FAM227B: variants seen among roughly 807,000 people sequenced by gnomAD.
The protein encoded by FAM227B is protein FAM227B.
FAM227B carries 88 observed loss-of-function variants against 73.8 expected under a neutral mutation model. That is an observed-to-expected ratio of 1.19 (90% CI 1.00 to 1.42). FAM227B has a LOEUF of 1.42. Ranked by LOEUF, FAM227B falls within the 40% of genes most tolerant of loss-of-function variation. The pLI is 0.00. For missense variants in FAM227B, 632 were observed against 590.9 expected (o/e 1.07, Z -0.72); for synonymous variants, 210 against 190.5 (o/e 1.10, Z -0.84).
At chr15:49,385,485 A>G (rs1435106239) in intron 11 of FAM227B, among the ~76,000 whole-genome samples, 1 of 151,804 alleles carries the variant, frequency 6.6e-6, no homozygotes, top group Non-Finnish European at 1.5e-5. Context: ...AATGGTAATC[A>G]ATATTGTTAT....
chr15:49,457,687 T>G (rs1370860692), intron 11 of FAM227B, among the ~76,000 whole-genome samples: 2 of 151,840 alleles, frequency 1.3e-5, no homozygotes, highest in Non-Finnish European at 2.9e-5. Context: ...CCAGTGACAA[T>G]AGATTTCCAA....
At chr15:49,585,805 C>G (rs997515731) in intron 5 of FAM227B, among the ~76,000 whole-genome samples, 1 of 152,022 alleles carries the variant, frequency 6.6e-6, no homozygotes, top group Non-Finnish European at 1.5e-5. Context: ...AACTAACCTG[C>G]ACATTGTGCA....
intron 11 of FAM227B, among the ~76,000 whole-genome samples, chr15:49,392,515 TG>T (rs1337548169): frequency 6.6e-6 from 1 of 151,742 alleles, no homozygotes; most frequent in Admixed American, 6.6e-5. Context: ...GGCAGTGGAG[TG>T]TATATAAAAG....
chr15:49,421,902 G>T (rs759573658), intron 11 of FAM227B, among the ~76,000 whole-genome samples: 1 of 152,166 alleles, frequency 6.6e-6, no homozygotes, highest in Admixed American at 6.6e-5. Context: ...TGATCAAAGA[G>T]TCTGTCCCCC....
At chr15:49,591,029 G>GTTTTTTTTTTTTTTTTTTTTTTTTTTTTT (rs71424023) in intron 3 of FAM227B, among the ~76,000 whole-genome samples, 13 of 105,606 alleles carry the variant, frequency 1.2e-4, no homozygotes, top group African/African-American at 2.4e-4. Context: ...TCTTTTTTTT[G>GTTTTTTTTTTTTTTTTTTTTTTTTTTTTT]TTTTTTTTTT....
intron 3 of FAM227B, 45 bp downstream of exon 3, chr15:49,611,170 T>C (rs754575422): frequency 3.4e-6 from 4 of 1,185,108 alleles, no homozygotes; most frequent in Non-Finnish European, 5.0e-6. Flanking sequence ...ATAACTGATA[T>C]TTTAAAATGA....
At chr15:49,380,970 C>A (rs1157662964) in intron 11 of FAM227B, among the ~76,000 whole-genome samples, 2 of 152,184 alleles carry the variant, frequency 1.3e-5, no homozygotes, top group Admixed American at 6.5e-5. Context: ...GTGCCAGCAT[C>A]TGCTTCTGGT....
intron 14 of FAM227B, among the ~76,000 whole-genome samples, chr15:49,333,856 T>C (rs2039243419): frequency 6.6e-6 from 1 of 152,210 alleles, no homozygotes; most frequent in Non-Finnish European, 1.5e-5. Flanking sequence ...GCCCAATTTT[T>C]CTTGCTTCAT....
chr15:49,460,017 T>C (rs1225135158), intron 11 of FAM227B, among the ~76,000 whole-genome samples: 1 of 152,194 alleles, frequency 6.6e-6, no homozygotes, highest in African/African-American at 2.4e-5. Flanking sequence ...TATCACTTTC[T>C]TCCCTTGACA....
chr15:49,434,760 A>C (rs1178998894), intron 11 of FAM227B: 1 of 151,594 alleles, frequency 6.6e-6, no homozygotes, highest in African/African-American at 2.4e-5. Flanking sequence ...CAGCAACTTA[A>C]ATTAAATCTA....
chr15:49,606,001 C>T (rs1452474356), intron 3 of FAM227B, among the ~76,000 whole-genome samples: 2 of 152,146 alleles, frequency 1.3e-5, no homozygotes, highest in Non-Finnish European at 2.9e-5. Flanking sequence ...ACTTCATTCT[C>T]CTTTCCCTTT....
At chr15:49,535,229 G>A (rs1042046861) in intron 10 of FAM227B, among the ~76,000 whole-genome samples, 3 of 151,338 alleles carry the variant, frequency 2.0e-5, no homozygotes. Flanking sequence ...ACAATAAAAA[G>A]GAAAGTGGAG....
intron 13 of FAM227B, chr15:49,366,093 A>G: frequency 2.3e-6 from 2 of 888,524 alleles, no homozygotes; most frequent in East Asian, 4.8e-5. Context: ...ACTGCTTTCA[A>G]GTTTTCCAAT....
chr15:49,345,871 T>G (rs752035914), intron 13 of FAM227B, among the ~76,000 whole-genome samples: 33 of 152,134 alleles, frequency 2.2e-4, no homozygotes, highest in Admixed American at 5.2e-4. Context: ...AAACTGAAGC[T>G]TCTAGAAGTG....
At chr15:49,332,694 C>T (rs144549177) in intron 14 of FAM227B, among the ~76,000 whole-genome samples, 257 of 152,332 alleles carry the variant, frequency 1.7e-3, no homozygotes, top group African/African-American at 6.1e-3. Flanking sequence ...TATTTAAAAA[C>T]TATTTTTCCA....
chr15:49,354,308 TG>T (rs1329335990), intron 13 of FAM227B, among the ~76,000 whole-genome samples: 1 of 151,988 alleles, frequency 6.6e-6, no homozygotes, highest in Non-Finnish European at 1.5e-5. Flanking sequence ...AGAAGACGGG[TG>T]ATTTCTGCAT....
rs1387020450 is a variant in FAM227B at position 49,328,001 on chromosome 15, T to A, written c.*567A>T. The stretch of plus-strand genomic sequence containing the variant: ...ACTTACTGGAGCAGGATGGGGAGGC[T>A]GCACAGTATCAATGGTACCTGCGGA... On this transcript the variant is annotated 3_prime_UTR_variant, in exon 16 of 16. Transcript: ENST00000299338. The A allele has an allele frequency of 6.2e-7, 1 of 1,613,942 alleles. No homozygotes were observed. The highest frequency in any genetic ancestry group is 8.5e-7 in the Non-Finnish European group (1 of 1,179,834).
chr15:49,424,291 C>T, intron 11 of FAM227B: 1 of 1,611,086 alleles, frequency 6.2e-7, no homozygotes, highest in East Asian at 2.2e-5. Context: ...CGGAGCACTA[C>T]ACTATAATGC....
chr15:49,555,012 G>A (rs943222242), intron 9 of FAM227B, among the ~76,000 whole-genome samples: 2 of 152,224 alleles, frequency 1.3e-5, no homozygotes, highest in Admixed American at 1.3e-4. Context: ...ACAGCATACA[G>A]TTGGGTCTTC....
Sources: gnomAD v4.1 joint callset for allele counts (sites outside exome capture counted in the v4.1 genomes callset) on GRCh38, gnomAD v4.1.1 for gene constraint, MANE v1.5 for transcripts, NCBI Gene and HGNC (gene_info 2026-07-23, HGNC 2026-07-21) for gene names.